The following METTL5 variants were observed in gnomAD, a reference collection of about 807,000 sequenced individuals.
METTL5 encodes methyltransferase 5, N6-adenosine, also known as rRNA N(6)-adenosine-methyltransferase METTL5.
Under a neutral mutation model 26.5 loss-of-function variants are expected in METTL5, and 28 were observed. That is an observed-to-expected ratio of 1.06 (90% confidence interval 0.78 to 1.45). The LOEUF (loss-of-function observed/expected upper bound fraction) is 1.45. METTL5 is among the 40% of genes most tolerant of loss of function. The probability of loss-of-function intolerance (pLI) is 0.00; values close to 1 mark genes in which losing one functional copy is unlikely to be tolerated. For missense variants in METTL5, 231 were observed against 249.9 expected, an observed-to-expected ratio of 0.92 and a Z score of 0.51; for synonymous variants, 86 against 82.6, an observed-to-expected ratio of 1.04 and a Z score of -0.22.
chr2:169,821,407 T>TC, intron 2 of METTL5, 134 bp from the exon 3 acceptor site: 8 of 668,202 alleles, frequency 1.2e-5, no homozygotes, highest in Non-Finnish European at 1.7e-5. Context: ...AGTGTTTTCT[T>TC]CTTTTTTTTT....
intron 3 of METTL5, among the ~76,000 whole-genome samples, chr2:169,819,970 CTT>C (rs11297953): frequency 5.6e-4 from 82 of 146,416 alleles, no homozygotes; most frequent in Non-Finnish European, 5.1e-4. Flanking sequence ...CTATGCATGT[CTT>C]TTTTTTTTTT....
chr2:169,824,471 G>C lies in METTL5; in HGVS notation c.109+18C>G. On this transcript the variant is annotated intron_variant, in intron 1 of 6. Coordinates refer to ENST00000260953, the MANE Select transcript of METTL5 (RefSeq NM_014168.4). Reference sequence around the variant, plus strand: ...GACTAACGCCGAAAGCCGGGGCGTGGTGAACCAGCCGCCCTACCTGCAATG... The same window carrying C: ...GACTAACGCCGAAAGCCGGGGCGTGCTGAACCAGCCGCCCTACCTGCAATG... 6.3e-7 allele frequency: 1 copy of C among 1,586,478 alleles called. No homozygotes were observed. The highest frequency in any genetic ancestry group is 1.1e-5 in the South Asian group (1 of 90,522).
In METTL5 at chr2:169,821,398, G is replaced by A. The variant is rs952751031; in HGVS notation, c.225-125C>T. The A allele has an allele frequency of 1.2e-5, 8 of 674,714 alleles. No individual in the cohort carries two copies. In the African/African-American group the frequency reaches 1.3e-4, roughly 11 times the overall value. The allele number at this position is 674,714 out of a possible 1,614,324, so 41.8% of individuals were successfully genotyped here. On this transcript the variant is annotated intron_variant, in intron 2 of 6. Coordinates refer to ENST00000260953, the MANE Select transcript of METTL5 (RefSeq NM_014168.4). ...AACCCAATTAGCAAAGTAAGAGTGAGTGTTTTCTTCTTTTTTTTTTTCTTT... is the reference window on the plus strand; with the variant it reads ...AACCCAATTAGCAAAGTAAGAGTGAATGTTTTCTTCTTTTTTTTTTTCTTT...
At chr2:169,814,302 C>T (rs963798721) in intron 5 of METTL5, among the ~76,000 whole-genome samples, 16 of 151,666 alleles carry the variant, frequency 1.1e-4, no homozygotes, top group Admixed American at 9.2e-4. Flanking sequence ...GCCCTGCCAA[C>T]GTGGTGAAAC....
chr2:169,821,689 T>A (rs1182488775), intron 2 of METTL5, among the ~76,000 whole-genome samples: 2 of 152,248 alleles, frequency 1.3e-5, no homozygotes, highest in East Asian at 3.9e-4. Flanking sequence ...CCCAGTCAAG[T>A]GTAACAGCAT....
chr2:169,815,546 G>T lies in METTL5; in HGVS notation c.490-18C>A. On this transcript the variant is annotated intron_variant, in intron 4 of 6. Transcript: ENST00000260953. ...TGAACATGCTGAACATAAATAATAT[G>T]TTGTTATGAGCTGATTTTTAAATAA... The T allele has an allele frequency of 6.4e-7, 1 of 1,563,600 alleles. No individual in the cohort carries two copies. Among genetic ancestry groups the T allele is most frequent in the Non-Finnish European group, 8.7e-7 (1 of 1,145,650 alleles).
chr2:169,822,847 T>C (rs961392626), intron 1 of METTL5, among the ~76,000 whole-genome samples: 1 of 152,152 alleles, frequency 6.6e-6, no homozygotes, highest in Non-Finnish European at 1.5e-5. Context: ...AATCTACAAA[T>C]GAGACCTGAT....
chr2:169,820,490 A>T (rs2081569429), intron 3 of METTL5, among the ~76,000 whole-genome samples: 1 of 152,222 alleles, frequency 6.6e-6, no homozygotes, highest in African/African-American at 2.4e-5. Flanking sequence ...ATATACAATA[A>T]ATGACATGAC....
chr2:169,821,014 G>C (rs900312898), intron 3 of METTL5, 78 bp downstream of exon 3: 12 of 1,211,332 alleles, frequency 9.9e-6, no homozygotes, highest in Non-Finnish European at 1.4e-5. Flanking sequence ...ACACGCCTGA[G>C]CCACTGCGCC....
chr2:169,813,626 G>A (rs908803864), intron 5 of METTL5, among the ~76,000 whole-genome samples: 9 of 151,236 alleles, frequency 6.0e-5, no homozygotes, highest in Non-Finnish European at 7.4e-5. Flanking sequence ...AGGCCAAGGC[G>A]GGCGGATGAC....
At position 169,822,077 on chromosome 2, in the gene METTL5, A is replaced by G. The variant is rs75885914; in HGVS notation, c.110-20T>C. On this transcript the variant is annotated intron_variant, in intron 1 of 6. Coordinates refer to ENST00000260953, the MANE Select transcript of METTL5 (RefSeq NM_014168.4). ...TACATGCTAAAAAATAAAAAAAAAA[A>G]GAATAAGTAAGCAAGCCGGTGACTA... The G allele has an allele frequency of 6.3e-7, 1 of 1,576,936 alleles. No individual in the cohort carries two copies. The highest frequency in any genetic ancestry group is 8.5e-7 in the Non-Finnish European group (1 of 1,171,210).
At chr2:169,814,468 CAA>C (rs572823948) in intron 5 of METTL5, among the ~76,000 whole-genome samples, 1 of 57,556 alleles carries the variant, frequency 1.7e-5, no homozygotes, top group South Asian at 9.2e-4. Context: ...GGCTTTGTCT[CAA>C]AAAAAAAAAA....
At chr2:169,817,626 G>A (rs1043742838) in intron 4 of METTL5, among the ~76,000 whole-genome samples, 1 of 151,822 alleles carries the variant, frequency 6.6e-6, no homozygotes, top group African/African-American at 2.4e-5. Context: ...TTCATGGGAT[G>A]AAGCTGGAAA....
intron 4 of METTL5, among the ~76,000 whole-genome samples, chr2:169,818,156 C>T (rs1558977954): frequency 6.6e-6 from 1 of 152,142 alleles, no homozygotes; most frequent in Non-Finnish European, 1.5e-5. Flanking sequence ...AAGGGAATTG[C>T]CTACATGATC....
chr2:169,815,148 C>T (rs1433828485), intron 5 of METTL5, among the ~76,000 whole-genome samples: 1 of 152,180 alleles, frequency 6.6e-6, no homozygotes, highest in Non-Finnish European at 1.5e-5. Flanking sequence ...CCACCTTGGC[C>T]TCCCAAAGTG....
At chr2:169,818,183 C>A (rs2081537376) in intron 4 of METTL5, among the ~76,000 whole-genome samples, 1 of 152,122 alleles carries the variant, frequency 6.6e-6, no homozygotes, top group Non-Finnish European at 1.5e-5. Context: ...TAATAAAAGC[C>A]CTGGGCACTG....
chr2:169,812,638 C>T (rs928597248), intron 5 of METTL5, 132 bp from the exon 6 acceptor site: 4 of 958,276 alleles, frequency 4.2e-6, no homozygotes, highest in South Asian at 1.7e-5. Flanking sequence ...GAACCTTTAA[C>T]TTATCCAAGT....
At position 169,821,153 on chromosome 2, in the gene METTL5, T is replaced by G. The variant is rs141721780; in HGVS notation, c.345A>C (p.Arg115Ser). The G allele has an allele frequency of 2.6e-4, 423 of 1,612,040 alleles. No individual in the cohort carries two copies. Among genetic ancestry groups the G allele is most frequent in the Non-Finnish European group, 3.3e-4 (395 of 1,179,230 alleles). The change falls in exon 3 of 7, where the codon AGA becomes AGC. Residue 115 changes from arginine to serine, a missense_variant. Physicochemically the swap from Arg to Ser is moderately radical, Grantham distance 110 (BLOSUM62 -1). Transcript: ENST00000260953. The stretch of plus-strand genomic sequence containing the variant: ...TTACTGTATCGAATGACTTGGACAT[T>G]CTGTTAGATAATAAGCACACATCAC... ...VQCDVCLLSN[R>S]MSKSFDTVIM...
At chr2:169,813,784 T>C (rs1031603356) in intron 5 of METTL5, among the ~76,000 whole-genome samples, 1 of 151,956 alleles carries the variant, frequency 6.6e-6, no homozygotes, top group Non-Finnish European at 1.5e-5. Context: ...AAGAATCCCT[T>C]GAACCCAGGA....
Sources: gnomAD v4.1 joint callset for allele counts (sites outside exome capture counted in the v4.1 genomes callset) on GRCh38, gnomAD v4.1.1 for gene constraint, MANE v1.5 for transcripts, NCBI Gene and HGNC (gene_info 2026-07-23, HGNC 2026-07-21) for gene names.